The following ADGRD1 variants were observed in gnomAD, a reference collection of about 807,000 sequenced individuals.
ADGRD1 encodes the protein G-protein coupled receptor 133.
In ADGRD1, 77 loss-of-function variants were observed where a neutral mutation model predicts 113.4. That is an observed-to-expected ratio of 0.68 (90% CI 0.57 to 0.82). The LOEUF is 0.82. ADGRD1 is among the 40% of genes least tolerant of loss of function. The probability of loss-of-function intolerance (pLI) is 0.00; values close to 1 mark genes in which losing one functional copy is unlikely to be tolerated. For synonymous variants in ADGRD1, 474 were observed against 475.0 expected (o/e 1.00, Z 0.03); for missense variants, 1,036 against 1,139.1 (o/e 0.91, Z 1.30).
intron 15 of ADGRD1, among the ~76,000 whole-genome samples, chr12:131,089,537 C>T (rs1390102761): frequency 6.6e-6 from 1 of 152,090 alleles, no homozygotes; most frequent in Non-Finnish European, 1.5e-5. Context: ...CTGTTGGATA[C>T]CCCCTGCCTG....
At chr12:130,981,830 G>A (rs1873029894) in intron 4 of ADGRD1, 54 bp from the exon 5 acceptor site, 4 of 1,220,898 alleles carry the variant, frequency 3.3e-6, no homozygotes, top group Non-Finnish European at 3.5e-6. Context: ...ATGTGCTTGC[G>A]AGAAGTCAAG....
intron 12 of ADGRD1, among the ~76,000 whole-genome samples, chr12:131,008,215 G>C (rs1877410522): frequency 6.6e-6 from 1 of 152,238 alleles, no homozygotes. Context: ...TTGGGCATTT[G>C]TGCCATTTTG....
chr12:131,014,228 G>A lies in ADGRD1; in HGVS notation c.1361G>A (p.Cys454Tyr), dbSNP rs143062748. The A allele has an allele frequency of 8.1e-6, 13 of 1,614,020 alleles. No individual in the cohort carries two copies. The highest frequency in any genetic ancestry group is 1.3e-5 in the African/African-American group (1 of 74,930). ...GCGGAGGCCATGCATCACCAGGACT[G>A]CCTGCTGTTCGCCACCAGCCACCTG... ...KIAEAMHHQDCLLFATSHLIS... is the reference protein window; with the variant it reads ...KIAEAMHHQDYLLFATSHLIS... The change falls in exon 13 of 25, where the codon TGC becomes TAC. Residue 454 changes from cysteine (C) to tyrosine (Y), a missense_variant. Physicochemically the swap from Cys to Tyr is radical, Grantham distance 194 (BLOSUM62 -2). Transcript: ENST00000261654.
Position 131,061,957 on chromosome 12 carries a change from A to G in ADGRD1, c.1474-14844A>G, listed in dbSNP as rs1044807434. The stretch of plus-strand genomic sequence containing the variant: ...ATGGTTGTATAGGTCAGTTGTTTAT[A>G]CTTTTTCATTGCTTAGTGTGGTATT... On this transcript the variant is annotated intron_variant, in intron 13 of 24. Transcript: ENST00000261654. Among the ~76,000 whole-genome samples the G allele has an allele frequency of 7.2e-5, 11 of 152,278 alleles. No individual in the cohort carries two copies. The South Asian group carries it at 2.3e-3, about 32-fold the overall frequency.
At chr12:130,985,076 C>T (rs985261789) in intron 5 of ADGRD1, among the ~76,000 whole-genome samples, 51 of 150,500 alleles carry the variant, frequency 3.4e-4, no homozygotes, top group African/African-American at 1.2e-3. Context: ...CTGGGATTAC[C>T]GGCATGTGCC....
chr12:130,968,997 A>C, intron 3 of ADGRD1: 2 of 1,534,630 alleles, frequency 1.3e-6, no homozygotes, highest in East Asian at 2.4e-5. Context: ...CCACAAGCTC[A>C]CTGTGCTTCC....
At chr12:131,031,976 C>A (rs1428455765) in intron 13 of ADGRD1, among the ~76,000 whole-genome samples, 1 of 152,186 alleles carries the variant, frequency 6.6e-6, no homozygotes, top group African/African-American at 2.4e-5. Flanking sequence ...TCAGATGAAC[C>A]AGCCTGACTT....
intron 4 of ADGRD1, chr12:130,977,110 CT>C (rs1565994759): frequency 6.6e-6 from 1 of 152,218 alleles, no homozygotes; most frequent in Non-Finnish European, 1.5e-5. Flanking sequence ...AACTGCTCCC[CT>C]GCACCCCACT....
At chr12:131,123,377 T>C (rs1950654051) in intron 20 of ADGRD1, among the ~76,000 whole-genome samples, 1 of 151,684 alleles carries the variant, frequency 6.6e-6, no homozygotes, top group Non-Finnish European at 1.5e-5. Flanking sequence ...CTGTCTAAGC[T>C]CCACCTCCTG....
At chr12:130,976,436 C>T (rs549771846) in intron 4 of ADGRD1, among the ~76,000 whole-genome samples, 2 of 152,264 alleles carry the variant, frequency 1.3e-5, no homozygotes, top group African/African-American at 4.8e-5. Context: ...CTGCAGGTTC[C>T]CAGGCCCCAA....
Position 131,050,218 on chromosome 12 carries a change from G to GTCATCATCA in ADGRD1, c.1474-26570_1474-26562dup, listed in dbSNP as rs3072393. Among the ~76,000 whole-genome samples the GTCATCATCA allele has an allele frequency of 2.0e-4, 30 of 150,914 alleles. No individual in the cohort carries two copies. The highest frequency in any genetic ancestry group is 4.3e-4 in the South Asian group (2 of 4,682). On this transcript the variant is annotated intron_variant, in intron 13 of 24. Transcript: ENST00000261654. This position sits in a 1 kb window ranked among gnomAD's most constrained non-coding sequence, Gnocchi z 4.8. ...TCAAGTTGAAATCACCATCGTCATC[G>GTCATCATCA]TCATCATCATCATCATCATCAATGA... is the stretch of plus-strand genomic sequence containing the variant.
intron 13 of ADGRD1, among the ~76,000 whole-genome samples, chr12:131,040,383 A>G (rs558580798): frequency 1.8e-4 from 28 of 152,378 alleles, no homozygotes; most frequent in Admixed American, 1.5e-3. Flanking sequence ...ATGTTTATAC[A>G]TTAAAGTAAA....
intron 15 of ADGRD1, among the ~76,000 whole-genome samples, chr12:131,094,737 G>T (rs1366046647): frequency 2.0e-5 from 3 of 152,226 alleles, no homozygotes; most frequent in Non-Finnish European, 4.4e-5. Context: ...GAAGGAGAGG[G>T]TGGTGGGCAA....
intron 13 of ADGRD1, among the ~76,000 whole-genome samples, chr12:131,043,775 C>T (rs955071809): frequency 2.6e-5 from 4 of 152,170 alleles, no homozygotes; most frequent in Non-Finnish European, 5.9e-5. Flanking sequence ...TCGTAGTGAC[C>T]GGAGGGCATA....
intron 2 of ADGRD1, chr12:130,957,519 CCACATCCACA>C (rs1215771164): frequency 6.6e-6 from 1 of 152,266 alleles, no homozygotes; most frequent in Non-Finnish European, 1.5e-5. Context: ...CACACACATC[CCACATCCACA>C]CACATGTACA....
At chr12:131,069,451 C>G (rs557235045) in intron 13 of ADGRD1, 1 of 152,186 alleles carries the variant, frequency 6.6e-6, no homozygotes, top group Non-Finnish European at 1.5e-5. Flanking sequence ...CAAGAGTGTG[C>G]GCAGCTGGCA....
At position 131,106,024 on chromosome 12, in the gene ADGRD1, C is replaced by A. The variant is rs565053513; in HGVS notation, c.1887+159C>A. Among the ~76,000 whole-genome samples the A allele has an allele frequency of 3.2e-4, 48 of 152,132 alleles. No individual in the cohort carries two copies. The South Asian group carries it at 0.01, about 32-fold the overall frequency. ...TTCTCGGGGGAAGCAGAGATCGTGA[C>A]GTGCATGAGCTGGTTTCTGTGCTGC... On this transcript the variant is annotated intron_variant, in intron 17 of 24. Coordinates refer to ENST00000261654, the MANE Select transcript of ADGRD1 (RefSeq NM_198827.5).
In ADGRD1 at chr12:130,971,540, C is replaced by T. The variant is rs765357554; in HGVS notation, c.270C>T (p.Asn90=). 5 of 1,612,002 alleles carry T rather than the reference C, an allele frequency of 3.1e-6. No individual in the cohort carries two copies. The South Asian group carries it at 4.4e-5, about 14-fold the overall frequency. Residue 90 remains asparagine (N), a synonymous_variant, in exon 4 of 25, where the codon AAC becomes AAT. Coordinates refer to ENST00000261654, the MANE Select transcript of ADGRD1 (RefSeq NM_198827.5). The surrounding 1 kb of genome is among the most constrained non-coding windows in gnomAD (Gnocchi z 4.2). ...CGCTTCTCTATTACGGCAGGTACAA[C>T]AGCTCCTGCATCAGCAAGCCAGAGC... is the stretch of plus-strand genomic sequence containing the variant. ...GVTLLYYGRY[N]SSCISKPEQC...
chr12:131,136,893 G>C (rs546392693), intron 22 of ADGRD1, 80 bp from the exon 23 acceptor site: 3 of 1,152,928 alleles, frequency 2.6e-6, no homozygotes, highest in Non-Finnish European at 4.0e-6. Flanking sequence ...GCCACTCCCA[G>C]GCTGCATGGG....
Sources: allele counts gnomAD v4.1 joint callset (sites outside exome capture counted in the v4.1 genomes callset), GRCh38; gene constraint gnomAD v4.1.1; non-coding constraint Gnocchi (gnomAD v3.1); transcripts MANE v1.5; gene names NCBI Gene and HGNC (gene_info 2026-07-23, HGNC 2026-07-21).